Variants in DLG2 observed in about 807,000 individuals in gnomAD.
The protein encoded by DLG2 is disks large homolog 2.
In DLG2, 45 loss-of-function variants were observed where a neutral mutation model predicts 132.5. The ratio of observed to expected loss-of-function variants is 0.34; its 90% confidence interval spans 0.27 to 0.44. The LOEUF is 0.44. Ranked by LOEUF, DLG2 falls within the 20% of genes least tolerant of loss-of-function variation. The pLI is 1.00. For synonymous variants in DLG2, 424 were observed against 419.6 expected (o/e 1.01, Z -0.13); for missense variants, 1,045 against 1,196.9 (o/e 0.87, Z 1.87).
chr11:83,673,619 T>G (rs903884355), intron 18 of DLG2, among the ~76,000 whole-genome samples: 14 of 152,218 alleles, frequency 9.2e-5, no homozygotes, highest in African/African-American at 3.4e-4. Flanking sequence ...TACTGGCCCT[T>G]ACAAGTAGAA....
intron 8 of DLG2, among the ~76,000 whole-genome samples, chr11:84,247,761 T>C (rs748957787): frequency 5.9e-5 from 9 of 152,206 alleles, no homozygotes; most frequent in Non-Finnish European, 1.3e-4. Context: ...CCTTTGGCCC[T>C]AGAAATTTCC....
chr11:83,975,146 T>C (rs897917204), intron 12 of DLG2, among the ~76,000 whole-genome samples: 1 of 152,100 alleles, frequency 6.6e-6, no homozygotes, highest in Non-Finnish European at 1.5e-5. Context: ...AACACTTTTC[T>C]AATATATTGG....
At chr11:84,223,976 T>C (rs990608261) in intron 8 of DLG2, among the ~76,000 whole-genome samples, 2 of 152,220 alleles carry the variant, frequency 1.3e-5, no homozygotes, top group Non-Finnish European at 2.9e-5. Context: ...AATGGAGGCC[T>C]GCCTTTCCAC....
chr11:85,323,874 T>C (rs1230501290), intron 3 of DLG2, among the ~76,000 whole-genome samples: 1 of 152,242 alleles, frequency 6.6e-6, no homozygotes, highest in Non-Finnish European at 1.5e-5. Flanking sequence ...TGTGAATATA[T>C]ACCACTTTTT....
chr11:83,456,257 A>AGCACAT lies in DLG2; in HGVS notation c.*3555_*3560dup, dbSNP rs2088956568. On this transcript the variant is annotated 3_prime_UTR_variant, in exon 28 of 28. Coordinates refer to ENST00000376104, the MANE Select transcript of DLG2 (RefSeq NM_001142699.3). ...GCACTCAGGCGCCGGCAGGGCCCAC[A>AGCACAT]GCACATGCATCATCGCTGCCAGGGC... 6.5e-6 allele frequency: 1 copy of AGCACAT among 152,908 alleles called. No individual in the cohort carries two copies. Among genetic ancestry groups the AGCACAT allele is most frequent in the Non-Finnish European group, 1.5e-5 (1 of 68,240 alleles). The allele number at this position is 152,908 out of a possible 1,614,324, so 9.5% of individuals were successfully genotyped here. A position where few individuals can be genotyped will look rare whatever the true frequency, so the allele number is the denominator to read the frequency against.
intron 6 of DLG2, among the ~76,000 whole-genome samples, chr11:85,008,978 T>C (rs924546084): frequency 1.1e-4 from 16 of 151,986 alleles, no homozygotes; most frequent in African/African-American, 3.9e-4. Flanking sequence ...GTTAGTTCCA[T>C]GAAAATATAG....
chr11:84,911,347 A>G (rs2092039457), intron 6 of DLG2, among the ~76,000 whole-genome samples: 1 of 151,856 alleles, frequency 6.6e-6, no homozygotes, highest in African/African-American at 2.4e-5. Context: ...CAAGTTTTTT[A>G]CAATCATCAT....
chr11:84,700,462 CTG>C (rs2059105532), intron 6 of DLG2, among the ~76,000 whole-genome samples: 2 of 151,620 alleles, frequency 1.3e-5, no homozygotes, highest in South Asian at 4.2e-4. Context: ...TAAAATTATT[CTG>C]TGACAAAATA....
chr11:85,366,666 T>TG (rs1020035476), intron 3 of DLG2, among the ~76,000 whole-genome samples: 1 of 152,106 alleles, frequency 6.6e-6, no homozygotes, highest in Non-Finnish European at 1.5e-5. Context: ...TCAGAATTTT[T>TG]GGGGGGTAGA....
intron 19 of DLG2, among the ~76,000 whole-genome samples, chr11:83,615,714 G>C (rs191328173): frequency 2.0e-5 from 3 of 152,202 alleles, no homozygotes; most frequent in Admixed American, 2.0e-4. Context: ...GATGGAAGAA[G>C]GGGGCCACGA....
chr11:83,945,647 T>C lies in DLG2; in HGVS notation c.1341-15164A>G, dbSNP rs138672292. On this transcript the variant is annotated intron_variant, in intron 14 of 27. Coordinates refer to ENST00000376104, the MANE Select transcript of DLG2 (RefSeq NM_001142699.3). ...GCTACAGGTGTTTTTAAATAGCTGATGCCTTTAGTTATAAAATCTAAATAC... is the reference window on the plus strand; with the variant it reads ...GCTACAGGTGTTTTTAAATAGCTGACGCCTTTAGTTATAAAATCTAAATAC... Among the ~76,000 whole-genome samples, 329 of 152,334 alleles carry C rather than the reference T, an allele frequency of 2.2e-3. 1 individual carries two copies. The highest frequency in any genetic ancestry group is 0.01 in the Middle Eastern group (3 of 294).
At chr11:84,168,457 T>A (rs2095725657) in intron 8 of DLG2, among the ~76,000 whole-genome samples, 1 of 152,218 alleles carries the variant, frequency 6.6e-6, no homozygotes, top group African/African-American at 2.4e-5. Context: ...TTGGGAGGAA[T>A]GTGATCATCA....
chr11:83,729,534 C>T (rs1019496782), intron 18 of DLG2, among the ~76,000 whole-genome samples: 1 of 152,172 alleles, frequency 6.6e-6, no homozygotes, highest in Non-Finnish European at 1.5e-5. Context: ...AGATAGTACA[C>T]ATGTGGAGGA....
At chr11:84,933,137 G>C (rs190957986) in intron 6 of DLG2, among the ~76,000 whole-genome samples, 2 of 151,992 alleles carry the variant, frequency 1.3e-5, no homozygotes, top group Admixed American at 6.6e-5. Context: ...ATATATGTTT[G>C]TTGGCCACAT....
intron 19 of DLG2, among the ~76,000 whole-genome samples, chr11:83,584,879 G>A (rs1327541326): frequency 2.0e-5 from 3 of 152,158 alleles, no homozygotes; most frequent in Non-Finnish European, 4.4e-5. Context: ...TGTAGGTGCT[G>A]GGCACAGAAC....
At chr11:84,279,906 G>A (rs1385124776) in intron 7 of DLG2, among the ~76,000 whole-genome samples, 1 of 152,102 alleles carries the variant, frequency 6.6e-6, no homozygotes, top group Non-Finnish European at 1.5e-5. Context: ...TATCTTAGTA[G>A]GCACAGAAAC....
chr11:84,714,601 C>CTCTTTCTCTTTCTCTCTCTCTT (rs2060915333), intron 6 of DLG2, among the ~76,000 whole-genome samples: 1 of 95,538 alleles, frequency 1.0e-5, no homozygotes, highest in Non-Finnish European at 2.1e-5. Flanking sequence ...CTCTTTCTTT[C>CTCTTTCTCTTTCTCTCTCTCTT]TCTTTCTCTT....
chr11:84,606,291 G>C (rs2154535760), intron 6 of DLG2, among the ~76,000 whole-genome samples: 1 of 152,198 alleles, frequency 6.6e-6, no homozygotes, highest in African/African-American at 2.4e-5. Context: ...CATATTCATG[G>C]AATTTTATGC....
intron 18 of DLG2, among the ~76,000 whole-genome samples, chr11:83,755,889 G>A (rs1191234129): frequency 6.6e-6 from 1 of 151,332 alleles, no homozygotes; most frequent in Admixed American, 6.6e-5. Flanking sequence ...ATTCCCACAC[G>A]TGCCTTTAAC....
Sources: allele counts gnomAD v4.1 joint callset (sites outside exome capture counted in the v4.1 genomes callset), GRCh38; gene constraint gnomAD v4.1.1; transcripts MANE v1.5; gene names NCBI Gene and HGNC (gene_info 2026-07-23, HGNC 2026-07-21).